Variants in PNPLA1 observed in about 807,000 individuals in gnomAD.
PNPLA1 encodes the protein omega-hydroxyceramide transacylase.
Under a neutral mutation model 51.7 loss-of-function variants are expected in PNPLA1, and 36 were observed. That is an observed-to-expected ratio of 0.70 (90% CI 0.53 to 0.92). The LOEUF (loss-of-function observed/expected upper bound fraction) is 0.92, where lower values mean the gene tolerates loss of function less well. PNPLA1 is among the 40% of genes least tolerant of loss of function. The pLI, the probability that PNPLA1 is intolerant of heterozygous loss-of-function variation, is 0.00. For missense variants in PNPLA1, 658 were observed against 682.5 expected (o/e 0.96, Z 0.40); for synonymous variants, 293 against 280.1 (o/e 1.05, Z -0.46).
rs182371763 is a variant in PNPLA1, at chr6:36,273,671, T to C, written c.205+3007T>C. The stretch of plus-strand genomic sequence containing the variant: ...ACTTTGAGAGGCCAAGGCAGGAAGA[T>C]TGTGTGTGGGTCCAGGAGTTCAAGA... On this transcript the variant is annotated intron_variant, in intron 1 of 8. Coordinates refer to ENST00000636260, the MANE Select transcript of PNPLA1 (RefSeq NM_001374623.1). Among the ~76,000 whole-genome samples the C allele has an allele frequency of 1.3e-3, 172 of 130,714 alleles. 3 individuals carry two copies. The South Asian group carries it at 0.034, about 26-fold the overall frequency. 85.8% of individuals were successfully genotyped at this position (130,714 alleles called of 152,430 possible).
rs1343485737 is a variant in PNPLA1 at position 36,282,101 on chromosome 6, G to A, written c.206-9219G>A. ...AGAAAGAAAGAAAGAAGGAAGGAAG[G>A]AAGGAAGGAAGGAAGGAAGGAAGGA... On this transcript the variant is annotated intron_variant, in intron 1 of 8. Transcript: ENST00000636260. Among the ~76,000 whole-genome samples the A allele has an allele frequency of 1.1e-3, 148 of 139,110 alleles. 1 individual carries two copies. Among genetic ancestry groups the A allele is most frequent in the African/African-American group, 3.8e-3 (131 of 34,858 alleles). The allele number at this position is 139,110 out of a possible 152,430, so 91.3% of individuals were successfully genotyped here. A position where few individuals can be genotyped will look rare whatever the true frequency, so the allele number is the denominator to read the frequency against.
At chr6:36,307,056 A>G (rs921203344) in intron 7 of PNPLA1, among the ~76,000 whole-genome samples, 2 of 152,118 alleles carry the variant, frequency 1.3e-5, no homozygotes, top group African/African-American at 2.4e-5. Flanking sequence ...AAGTTGGGTC[A>G]AGGGTATTTC....
At position 36,294,468 on chromosome 6, in the gene PNPLA1, C is replaced by A; in HGVS notation, c.714+69C>A. On this transcript the variant is annotated intron_variant, in intron 4 of 8. Transcript: ENST00000636260. The surrounding 1 kb of genome is among the most constrained non-coding windows in gnomAD (Gnocchi z 4.2). Reference sequence around the variant, plus strand: ...GACTAGGGGTGGGGTTAGAGAGCCACTGGGGCCCACTCAAGTTCCATCTGA... The same window carrying A: ...GACTAGGGGTGGGGTTAGAGAGCCAATGGGGCCCACTCAAGTTCCATCTGA... 1 of 1,431,100 alleles carries A rather than the reference C, an allele frequency of 7.0e-7. No individual in the cohort carries two copies. The highest frequency in any genetic ancestry group is 9.7e-7 in the Non-Finnish European group (1 of 1,028,422). The allele number at this position is 1,431,100 out of a possible 1,614,324, so 88.7% of individuals were successfully genotyped here.
chr6:36,245,726 A>G (rs907279732), intron 1 of PNPLA1, among the ~76,000 whole-genome samples: 2 of 152,248 alleles, frequency 1.3e-5, no homozygotes, highest in African/African-American at 4.8e-5. Flanking sequence ...AGTCCTCACA[A>G]CAGCCTTGTG....
upstream of PNPLA1, among the ~76,000 whole-genome samples, chr6:36,269,881 T>TC (rs1769855026): frequency 2.6e-5 from 4 of 152,328 alleles, no homozygotes; most frequent in African/African-American, 9.6e-5. Context: ...GAGGGGCATC[T>TC]CTTTTGGGGG....
At chr6:36,283,933 G>A (rs1197942756) in intron 1 of PNPLA1, among the ~76,000 whole-genome samples, 3 of 152,262 alleles carry the variant, frequency 2.0e-5, no homozygotes, top group Admixed American at 1.3e-4. Flanking sequence ...GGCCCCAAAA[G>A]GACTTCTGGG....
rs763319302 is a variant in PNPLA1 at position 36,301,972 on chromosome 6, G to A, written c.887G>A (p.Ser296Asn). 1.2e-6 allele frequency: 2 copies of A among 1,614,170 alleles called. No homozygotes were observed. The highest frequency in any genetic ancestry group is 1.7e-6 in the Non-Finnish European group (2 of 1,180,032). Residue 296 changes from serine (S) to asparagine (N), a missense_variant, in exon 6 of 9, where the codon AGC becomes AAC. Coordinates refer to ENST00000636260, the MANE Select transcript of PNPLA1 (RefSeq NM_001374623.1). ...GAGTGCCCTGAACGCAGTCAACCAA[G>A]CCTTCGAGCACGGCAGGCCAGTCTG... is the stretch of plus-strand genomic sequence containing the variant. ...GNECPERSQPSLRARQASLEG... is the reference protein window; with the variant it reads ...GNECPERSQPNLRARQASLEG...
chr6:36,287,755 A>AACACACAC lies in PNPLA1; in HGVS notation c.206-3532_206-3525dup, dbSNP rs57750301. The stretch of plus-strand genomic sequence containing the variant: ...GTCAGAGACTTTGAAGACAGACAGA[A>AACACACAC]ACACACACACACACACACACACACA... On this transcript the variant is annotated intron_variant, in intron 1 of 8. Transcript: ENST00000636260. 6.3e-4 allele frequency among the ~76,000 whole-genome samples: 93 copies of AACACACAC among 148,448 alleles called. 1 individual carries two copies. The Middle Eastern group carries it at 0.017, about 27-fold the overall frequency.
At chr6:36,303,450 T>C (rs1771137993) in intron 6 of PNPLA1, among the ~76,000 whole-genome samples, 1 of 152,140 alleles carries the variant, frequency 6.6e-6, no homozygotes, top group African/African-American at 2.4e-5. Context: ...AGCACCACTA[T>C]AGGGCCTGCA....
intron 1 of PNPLA1, among the ~76,000 whole-genome samples, chr6:36,247,800 G>C (rs758112966): frequency 6.6e-6 from 1 of 152,106 alleles, no homozygotes; most frequent in Admixed American, 6.5e-5. Flanking sequence ...TTTCATTCTC[G>C]AGCCCTAATC....
upstream of PNPLA1, among the ~76,000 whole-genome samples, chr6:36,268,161 G>A (rs892728273): frequency 5.9e-5 from 9 of 151,924 alleles, no homozygotes; most frequent in Admixed American, 5.9e-4. Context: ...TCCTCATGTC[G>A]CATGTGGATC....
intron 1 of PNPLA1, among the ~76,000 whole-genome samples, chr6:36,290,971 G>A (rs992047152): frequency 5.3e-5 from 8 of 152,320 alleles, no homozygotes; most frequent in Admixed American, 5.2e-4. Context: ...CAGGCAGAGT[G>A]ACAAGAAGTT....
At chr6:36,268,316 C>T (rs1769810502), upstream of PNPLA1, among the ~76,000 whole-genome samples, 1 of 152,216 alleles carries the variant, frequency 6.6e-6, no homozygotes, top group Non-Finnish European at 1.5e-5. Context: ...TTAGCCTTTA[C>T]AGCTACTGTG....
At chr6:36,293,175 G>GA in intron 3 of PNPLA1, 49 bp downstream of exon 3, 5 of 1,556,836 alleles carry the variant, frequency 3.2e-6, no homozygotes, top group Non-Finnish European at 4.4e-6. Flanking sequence ...AAGGGACCTC[G>GA]GGTCCCTGTG....
At chr6:36,257,199 C>T (rs564527192) in intron 1 of PNPLA1, among the ~76,000 whole-genome samples, 2 of 152,344 alleles carry the variant, frequency 1.3e-5, no homozygotes, top group Non-Finnish European at 2.9e-5. Flanking sequence ...TCCCCAGGTA[C>T]TCTCAGTTTG....
chr6:36,301,114 G>GGGGGGGGGCCCCCCC, intron 5 of PNPLA1, among the ~76,000 whole-genome samples: 1 of 99,968 alleles, frequency 1.0e-5, no homozygotes, highest in South Asian at 4.2e-4. Context: ...CCATCCCCCC[G>GGGGGGGGGCCCCCCC]CCCCCCCACC....
chr6:36,253,104 C>T (rs779183579), intron 1 of PNPLA1, among the ~76,000 whole-genome samples: 88 of 152,244 alleles, frequency 5.8e-4, no homozygotes, highest in Non-Finnish European at 1.0e-3. Context: ...TGCTTGAACC[C>T]GGGAGGCGGA....
chr6:36,284,641 AAG>A (rs1770425991), intron 1 of PNPLA1, among the ~76,000 whole-genome samples: 1 of 152,026 alleles, frequency 6.6e-6, no homozygotes, highest in African/African-American at 2.4e-5. Flanking sequence ...TTTCCTGGGC[AAG>A]ATTTCTTACC....
At chr6:36,300,999 C>A (rs555727061) in intron 5 of PNPLA1, among the ~76,000 whole-genome samples, 2 of 152,140 alleles carry the variant, frequency 1.3e-5, no homozygotes, top group African/African-American at 4.8e-5. Flanking sequence ...TCAAATTGTT[C>A]CAGCTTTGGC....
Sources: gnomAD v4.1 joint callset for allele counts (sites outside exome capture counted in the v4.1 genomes callset) on GRCh38, gnomAD v4.1.1 for gene constraint, Gnocchi (gnomAD v3.1) non-coding constraint, MANE v1.5 for transcripts, NCBI Gene and HGNC (gene_info 2026-07-23, HGNC 2026-07-21) for gene names.